SLC24A2: variants seen among roughly 807,000 people sequenced by gnomAD.
SLC24A2 encodes solute carrier family 24 member 2.
SLC24A2 carries 36 observed loss-of-function variants against 62.0 expected under a neutral mutation model. That is an observed-to-expected ratio of 0.58 (90% CI 0.44 to 0.77). The LOEUF is 0.77. Ranked by LOEUF, SLC24A2 falls within the 30% of genes least tolerant of loss-of-function variation. The pLI, the probability that SLC24A2 is intolerant of heterozygous loss-of-function variation, is 0.00. For synonymous variants in SLC24A2, 358 were observed against 294.0 expected, an observed-to-expected ratio of 1.22 and a Z score of -2.23; for missense variants, 846 against 817.9, an observed-to-expected ratio of 1.03 and a Z score of -0.42.
chr9:20,109,891 A>C, the SLC24A2 span, among the ~76,000 whole-genome samples: 32 of 152,088 alleles, frequency 2.1e-4, no homozygotes, highest in African/African-American at 7.0e-4. Flanking sequence ...CACTTTTTCA[A>C]CTTGATTCTG....
chr9:19,997,183 C>G, the SLC24A2 span, among the ~76,000 whole-genome samples: 1 of 152,102 alleles, frequency 6.6e-6, no homozygotes. Flanking sequence ...TTTACTGTTT[C>G]TTCTTAATAA....
Position 19,636,315 on chromosome 9 carries a change from T to TTTTCTTTTCTTTCCTTTC in SLC24A2, c.931-14017_931-14016insGAAAGGAAAGAAAAGAAA. On this transcript the variant is annotated intron_variant, in intron 2 of 10. Coordinates refer to ENST00000341998, the MANE Select transcript of SLC24A2 (RefSeq NM_020344.4). ...TTTTCTTTTCTTTTCTTTTCTTTTC[T>TTTTCTTTTCTTTCCTTTC]TTTCTTTCTTTCTTTCTTTCTTTCT... 1.2e-3 allele frequency among the ~76,000 whole-genome samples: 50 copies of TTTTCTTTTCTTTCCTTTC among 40,320 alleles called. 5 individuals carry two copies. The highest frequency in any genetic ancestry group is 5.8e-3 in the African/African-American group (50 of 8,652). The allele number at this position is 40,320 out of a possible 152,430, so 26.5% of individuals were successfully genotyped here.
chr9:19,897,600 C>T, the SLC24A2 span, among the ~76,000 whole-genome samples: 1 of 152,066 alleles, frequency 6.6e-6, no homozygotes, highest in African/African-American at 2.4e-5. Context: ...AAACATGTGT[C>T]CTCATTATAT....
At chr9:19,798,463 A>C in the SLC24A2 span, among the ~76,000 whole-genome samples, 2 of 152,180 alleles carry the variant, frequency 1.3e-5, no homozygotes, top group Non-Finnish European at 2.9e-5. Context: ...TTTTTATATT[A>C]ATTCATACCT....
At chr9:19,837,691 C>T in the SLC24A2 span, among the ~76,000 whole-genome samples, 1 of 152,004 alleles carries the variant, frequency 6.6e-6, no homozygotes, top group Admixed American at 6.6e-5. Flanking sequence ...CCAAAAATCT[C>T]CTTAAGCTGA....
At chr9:19,525,207 CTG>C (rs966186773) in intron 9 of SLC24A2, among the ~76,000 whole-genome samples, 2 of 151,934 alleles carry the variant, frequency 1.3e-5, no homozygotes, top group African/African-American at 4.8e-5. Context: ...AGTAAAATAA[CTG>C]TGATATGAAT....
At chr9:20,294,018 C>T in the SLC24A2 span, among the ~76,000 whole-genome samples, 1 of 152,052 alleles carries the variant, frequency 6.6e-6, no homozygotes, top group African/African-American at 2.4e-5. Flanking sequence ...TGACAAGGAC[C>T]CCCACTGCTT....
chr9:19,667,175 A>G (rs1329808247), intron 2 of SLC24A2, among the ~76,000 whole-genome samples: 1 of 152,242 alleles, frequency 6.6e-6, no homozygotes, highest in African/African-American at 2.4e-5. Context: ...TCATAACGAA[A>G]GAAAGAAGTT....
the SLC24A2 span, among the ~76,000 whole-genome samples, chr9:20,107,510 G>A: frequency 6.6e-6 from 1 of 152,110 alleles, no homozygotes; most frequent in East Asian, 1.9e-4. Context: ...TAGATCAATG[G>A]AACAGAACAG....
At chr9:19,780,057 C>T (rs988630015) in intron 2 of SLC24A2, among the ~76,000 whole-genome samples, 1 of 151,960 alleles carries the variant, frequency 6.6e-6, no homozygotes, top group South Asian at 2.1e-4. Context: ...AGCGAGACTC[C>T]GTCTCAAAAC....
rs144818613 is a variant in SLC24A2 at position 19,601,143 on chromosome 9, A to T, written c.1079-3864T>A. ...ACCAATCAGTGCTCTGTAGCCAGCA[A>T]CGAGATTGTAAAATGCACCAATCAG... On this transcript the variant is annotated intron_variant, in intron 4 of 10. Coordinates refer to ENST00000341998, the MANE Select transcript of SLC24A2 (RefSeq NM_020344.4). 6.2e-3 allele frequency among the ~76,000 whole-genome samples: 937 copies of T among 152,220 alleles called. 11 individuals carry two copies. Among genetic ancestry groups the T allele is most frequent in the South Asian group, 0.02 (98 of 4,814 alleles).
At chr9:19,595,594 T>G (rs887642239) in intron 5 of SLC24A2, among the ~76,000 whole-genome samples, 5 of 152,182 alleles carry the variant, frequency 3.3e-5, no homozygotes, top group Admixed American at 3.3e-4. Context: ...TATCAAGTGA[T>G]AGAATCAGAT....
At chr9:20,002,914 T>G in the SLC24A2 span, among the ~76,000 whole-genome samples, 1 of 152,196 alleles carries the variant, frequency 6.6e-6, no homozygotes, top group Non-Finnish European at 1.5e-5. Context: ...ACTCTACGGA[T>G]GTACAACCAA....
the SLC24A2 span, among the ~76,000 whole-genome samples, chr9:19,889,158 C>T: frequency 6.6e-6 from 1 of 152,168 alleles, no homozygotes; most frequent in Non-Finnish European, 1.5e-5. Flanking sequence ...AATCTCTGCA[C>T]AAAGTTCTCC....
chr9:20,217,562 AG>A, the SLC24A2 span, among the ~76,000 whole-genome samples: 1 of 152,230 alleles, frequency 6.6e-6, no homozygotes, highest in Non-Finnish European at 1.5e-5. Flanking sequence ...TCCTAAAAAA[AG>A]CTTGGGGGTC....
chr9:20,299,319 G>A, the SLC24A2 span, among the ~76,000 whole-genome samples: 1 of 152,180 alleles, frequency 6.6e-6, no homozygotes, highest in Admixed American at 6.5e-5. Context: ...GGAGCTTGGG[G>A]ACATGAAGAA....
chr9:20,073,921 T>G, the SLC24A2 span, among the ~76,000 whole-genome samples: 9 of 95,288 alleles, frequency 9.4e-5, no homozygotes, highest in African/African-American at 2.6e-4. Flanking sequence ...TGTGGGGAGA[T>G]ATATATATAT....
the SLC24A2 span, among the ~76,000 whole-genome samples, chr9:19,932,685 C>A: frequency 6.6e-6 from 1 of 152,232 alleles, no homozygotes; most frequent in Non-Finnish European, 1.5e-5. Context: ...TAGTTTTCAA[C>A]TCTTGCCACT....
the SLC24A2 span, among the ~76,000 whole-genome samples, chr9:20,223,673 A>G: frequency 0.022 from 3,386 of 152,264 alleles, 132 homozygotes; most frequent in African/African-American, 0.076. Context: ...AAAACAGGCC[A>G]GTGTACATGG....
Sources: gnomAD v4.1 joint callset for allele counts (sites outside exome capture counted in the v4.1 genomes callset) on GRCh38, gnomAD v4.1.1 for gene constraint, MANE v1.5 for transcripts, NCBI Gene and HGNC (gene_info 2026-07-23, HGNC 2026-07-21) for gene names.